GALNT3: variants seen among roughly 807,000 people sequenced by gnomAD.
GALNT3 encodes GalNAc transferase 3.
Under a neutral mutation model 69.8 loss-of-function variants are expected in GALNT3, and 51 were observed. The ratio of observed to expected loss-of-function variants is 0.73; its 90% CI spans 0.58 to 0.92. The LOEUF (loss-of-function observed/expected upper bound fraction) is 0.92, where lower values mean the gene tolerates loss of function less well. Among genes scored for constraint, GALNT3 ranks in the 40% least tolerant of loss-of-function variants. The pLI is 0.00. For missense variants in GALNT3, 711 were observed against 760.0 expected (o/e 0.94, Z 0.76); for synonymous variants, 265 against 248.5 (o/e 1.07, Z -0.63).
At chr2:165,775,871 C>G (rs1044482064) in intron 1 of GALNT3, among the ~76,000 whole-genome samples, 1 of 152,128 alleles carries the variant, frequency 6.6e-6, no homozygotes, top group Non-Finnish European at 1.5e-5. Flanking sequence ...CAAAGGCAAC[C>G]ACATTACTAA....
intron 4 of GALNT3, 72 bp from the exon 5 acceptor site, chr2:165,759,642 G>T (rs1688508912): frequency 6.4e-6 from 7 of 1,097,720 alleles, no homozygotes; most frequent in Non-Finnish European, 8.2e-6. Flanking sequence ...TTAGGTGAAG[G>T]TTTACAGAGA....
At chr2:165,749,025 T>C in intron 10 of GALNT3, 122 bp from the exon 11 acceptor site, 1 of 1,034,258 alleles carries the variant, frequency 9.7e-7, no homozygotes, top group South Asian at 1.4e-5. Context: ...AGGTGAGCCA[T>C]GTCTGATAAA....
Position 165,770,667 on chromosome 2 carries a change from T to G in GALNT3, c.34A>C (p.Ile12Leu). 1 of 1,605,460 alleles carries G rather than the reference T, an allele frequency of 6.2e-7. No individual in the cohort carries two copies. Among genetic ancestry groups the G allele is most frequent in the Non-Finnish European group, 8.5e-7 (1 of 1,179,110 alleles). Residue 12 changes from isoleucine to leucine, a missense_variant, in exon 2 of 11, where the codon ATT becomes CTT. Physicochemically the swap from Ile to Leu is conservative, Grantham distance 5. Coordinates refer to ENST00000392701, the MANE Select transcript of GALNT3 (RefSeq NM_004482.4). Reference sequence around the variant, plus strand: ...AACTTTTTATGGTAATGTCTTTTAATGTGTAATTTTACTAGTCGCTTTAGG... The same window carrying G: ...AACTTTTTATGGTAATGTCTTTTAAGGTGTAATTTTACTAGTCGCTTTAGG... ...AHLKRLVKLH[I>L]KRHYHKKFWK...
intron 9 of GALNT3, among the ~76,000 whole-genome samples, chr2:165,751,025 C>T (rs1406771811): frequency 6.6e-6 from 1 of 152,140 alleles, no homozygotes; most frequent in Non-Finnish European, 1.5e-5. Context: ...TCAGAGATAA[C>T]TTTTCTAGCA....
At chr2:165,753,155 A>G (rs1688383271) in intron 9 of GALNT3, among the ~76,000 whole-genome samples, 1 of 152,214 alleles carries the variant, frequency 6.6e-6, no homozygotes, top group Non-Finnish European at 1.5e-5. Flanking sequence ...AATATAGAAG[A>G]GGATGGACCA....
intron 4 of GALNT3, 186 bp downstream of exon 4, chr2:165,761,719 T>A (rs1688551712): frequency 2.7e-6 from 2 of 730,518 alleles, no homozygotes; most frequent in Admixed American, 2.0e-5. Flanking sequence ...GAATTCTGCA[T>A]AAGTGAAAGG....
chr2:165,755,452 G>A (rs1293409852), intron 7 of GALNT3, among the ~76,000 whole-genome samples: 1 of 152,074 alleles, frequency 6.6e-6, no homozygotes, highest in Non-Finnish European at 1.5e-5. Flanking sequence ...TCAGAAATCA[G>A]GTATAGACAA....
intron 1 of GALNT3, among the ~76,000 whole-genome samples, chr2:165,791,424 A>G (rs914334071): frequency 3.3e-5 from 5 of 152,182 alleles, no homozygotes; most frequent in African/African-American, 1.2e-4. Context: ...GTTTAGACCA[A>G]CGTTTTTAAA....
Position 165,794,246 on chromosome 2 carries a change from C to T in GALNT3, c.-340G>A, listed in dbSNP as rs1226243820. ...TTCCACTTGGAGTCTCCCAGGTGAGCTCCAGCCTGCGACGTCGGCAGGGGC... is the reference window on the plus strand; with the variant it reads ...TTCCACTTGGAGTCTCCCAGGTGAGTTCCAGCCTGCGACGTCGGCAGGGGC... On this transcript the variant is annotated 5_prime_UTR_variant, in exon 1 of 11. Transcript: ENST00000392701. 1 of 152,462 alleles carries T rather than the reference C, an allele frequency of 6.6e-6. No homozygotes were observed. The highest frequency in any genetic ancestry group is 2.4e-5 in the African/African-American group (1 of 41,458). The allele number at this position is 152,462 out of a possible 1,614,324, so 9.4% of individuals were successfully genotyped here. A position where few individuals can be genotyped will look rare whatever the true frequency, so the allele number is the denominator to read the frequency against.
chr2:165,770,147 T>G, intron 2 of GALNT3, 39 bp downstream of exon 2: 1 of 1,613,082 alleles, frequency 6.2e-7, no homozygotes, highest in Non-Finnish European at 8.5e-7. Flanking sequence ...CTGCAAAGCC[T>G]GGTGATAAAG....
chr2:165,776,941 C>A (rs988552494), intron 1 of GALNT3, among the ~76,000 whole-genome samples: 2 of 152,164 alleles, frequency 1.3e-5, no homozygotes, highest in African/African-American at 4.8e-5. Flanking sequence ...GGGAAAATAT[C>A]AAGGTAAGAT....
chr2:165,777,978 G>C (rs1224178273), intron 1 of GALNT3, among the ~76,000 whole-genome samples: 2 of 152,090 alleles, frequency 1.3e-5, no homozygotes, highest in Admixed American at 1.3e-4. Flanking sequence ...AGAAGGACAG[G>C]GTCAGACATC....
At chr2:165,750,599 C>G (rs917389978) in intron 9 of GALNT3, among the ~76,000 whole-genome samples, 1 of 152,160 alleles carries the variant, frequency 6.6e-6, no homozygotes, top group Non-Finnish European at 1.5e-5. Flanking sequence ...ACAGCTACTT[C>G]CAATTTCTGT....
intron 2 of GALNT3, 86 bp downstream of exon 2, chr2:165,770,100 A>G (rs1370583797): frequency 1.3e-6 from 2 of 1,512,718 alleles, no homozygotes; most frequent in Admixed American, 3.5e-5. Flanking sequence ...AGAGTAGCTA[A>G]AAAACAGATA....
chr2:165,791,108 CA>C (rs1193939372), intron 1 of GALNT3, among the ~76,000 whole-genome samples: 1 of 152,064 alleles, frequency 6.6e-6, no homozygotes, highest in Non-Finnish European at 1.5e-5. Context: ...GTATAATGAA[CA>C]AGGTTTCATG....
chr2:165,754,579 G>A, intron 9 of GALNT3, 48 bp downstream of exon 9: 1 of 1,323,782 alleles, frequency 7.6e-7, no homozygotes, highest in South Asian at 1.2e-5. Flanking sequence ...CATCTCACTT[G>A]TGCTTGTAAA....
rs773206913 is a variant in GALNT3 at position 165,780,641 on chromosome 2, G to GT, written c.-108-9834dup. Among the ~76,000 whole-genome samples the GT allele has an allele frequency of 2.1e-3, 213 of 103,658 alleles. 1 individual carries two copies. The highest frequency in any genetic ancestry group is 0.011 in the East Asian group (32 of 2,980). The allele number at this position is 103,658 out of a possible 152,430, so 68.0% of individuals were successfully genotyped here. A position where few individuals can be genotyped will look rare whatever the true frequency, so the allele number is the denominator to read the frequency against. ...TTCATCTGCAAATCAGGTTTGAGGGGTTTTTTTGTTGTTGTTGTTGTTGTT... is the reference window on the plus strand; with the variant it reads ...TTCATCTGCAAATCAGGTTTGAGGGGTTTTTTTTGTTGTTGTTGTTGTTGTT... On this transcript the variant is annotated intron_variant, in intron 1 of 10. Coordinates refer to ENST00000392701, the MANE Select transcript of GALNT3 (RefSeq NM_004482.4).
intron 1 of GALNT3, among the ~76,000 whole-genome samples, chr2:165,781,122 A>G (rs996024251): frequency 6.6e-6 from 1 of 152,186 alleles, no homozygotes. Flanking sequence ...TGGCACAGAT[A>G]CCAAGAGAGT....
chr2:165,767,529 A>G (rs1422306205), intron 2 of GALNT3, among the ~76,000 whole-genome samples: 3 of 152,234 alleles, frequency 2.0e-5, no homozygotes, highest in African/African-American at 7.2e-5. Flanking sequence ...AATTACCAAT[A>G]TCAAGTACAA....
Sources: gnomAD v4.1 joint callset for allele counts (sites outside exome capture counted in the v4.1 genomes callset) on GRCh38, gnomAD v4.1.1 for gene constraint, MANE v1.5 for transcripts, NCBI Gene and HGNC (gene_info 2026-07-23, HGNC 2026-07-21) for gene names.